The following TEAD4 variants were observed in gnomAD, a reference collection of about 807,000 sequenced individuals.
The protein encoded by TEAD4 is transcriptional enhancer factor TEF-3.
In TEAD4, 36 loss-of-function variants were observed where a neutral mutation model predicts 52.4. The observed-to-expected ratio is 0.69, with a 90% CI of 0.53 to 0.91. The LOEUF is 0.91. Ranked by LOEUF, TEAD4 falls within the 40% of genes least tolerant of loss-of-function variation. TEAD4 has a pLI of 0.00. For missense variants in TEAD4, 508 were observed against 583.9 expected, an observed-to-expected ratio of 0.87 and a Z score of 1.34; for synonymous variants, 220 against 231.0, an observed-to-expected ratio of 0.95 and a Z score of 0.43.
At chr12:2,974,855 C>G (rs529065598) in intron 2 of TEAD4, among the ~76,000 whole-genome samples, 1 of 152,232 alleles carries the variant, frequency 6.6e-6, no homozygotes, top group South Asian at 2.1e-4. Context: ...AACCCACCCC[C>G]GAGGCTGAGG....
intron 2 of TEAD4, among the ~76,000 whole-genome samples, chr12:2,993,237 C>A (rs2098244597): frequency 6.6e-6 from 1 of 152,222 alleles, no homozygotes; most frequent in Admixed American, 6.5e-5. Context: ...AACCGAAACT[C>A]TGTACCTGTC....
At chr12:2,995,088 A>T in intron 3 of TEAD4, 96 bp downstream of exon 3, 2 of 1,462,564 alleles carry the variant, frequency 1.4e-6, no homozygotes, top group East Asian at 2.3e-5. Context: ...GAAGGGGATG[A>T]CCACTTGGGG....
At chr12:2,962,181 G>A (rs1591548230) in intron 2 of TEAD4, among the ~76,000 whole-genome samples, 1 of 149,064 alleles carries the variant, frequency 6.7e-6, no homozygotes, top group South Asian at 2.1e-4. Flanking sequence ...CAGTAGTACA[G>A]TGGCATGATC....
At chr12:3,006,824 G>A (rs1315078990) in intron 3 of TEAD4, among the ~76,000 whole-genome samples, 2 of 152,012 alleles carry the variant, frequency 1.3e-5, no homozygotes, top group African/African-American at 2.4e-5. Context: ...TCAGGAGTTC[G>A]AGACCAGCCT....
intron 5 of TEAD4, among the ~76,000 whole-genome samples, chr12:3,016,384 C>G (rs535860808): frequency 2.6e-5 from 4 of 152,250 alleles, no homozygotes; most frequent in African/African-American, 9.6e-5. Context: ...CATTTAGCCC[C>G]GATAAAGCTG....
chr12:3,028,493 C>G (rs754479844), intron 10 of TEAD4, among the ~76,000 whole-genome samples: 1 of 152,196 alleles, frequency 6.6e-6, no homozygotes, highest in African/African-American at 2.4e-5. Context: ...TTGTAGCCAT[C>G]CTAGCAAATG....
intron 3 of TEAD4, among the ~76,000 whole-genome samples, chr12:3,005,245 A>G (rs532340060): frequency 2.4e-4 from 37 of 152,286 alleles, no homozygotes; most frequent in Non-Finnish European, 4.0e-4. Context: ...TGGTCAAAGA[A>G]TATAGTTTCA....
Position 3,011,051 on chromosome 12 carries a change from A to T in TEAD4, c.274A>T (p.Thr92Ser). 6.2e-7 allele frequency: 1 copy of T among 1,613,862 alleles called. No individual in the cohort carries two copies. The highest frequency in any genetic ancestry group is 8.5e-7 in the Non-Finnish European group (1 of 1,179,946). The change falls in exon 4 of 13, where the codon ACC (threonine) becomes TCC (serine). Residue 92 changes from threonine (T) to serine (S), a missense_variant. Thr to Ser is a moderately conservative substitution (Grantham distance 58). Transcript: ENST00000359864. Reference sequence around the variant, plus strand: ...CTACATCAAGCTCCGGACAGGGAAGACCCGCACCAGGAAGCAGGTGGGCCT... The same window carrying T: ...CTACATCAAGCTCCGGACAGGGAAGTCCCGCACCAGGAAGCAGGTGGGCCT...
At chr12:2,977,757 C>A (rs529721321) in intron 2 of TEAD4, among the ~76,000 whole-genome samples, 4 of 152,148 alleles carry the variant, frequency 2.6e-5, no homozygotes. Flanking sequence ...TGGCCTTTCC[C>A]GAGAACTTGT....
intron 4 of TEAD4, among the ~76,000 whole-genome samples, chr12:3,011,312 C>A (rs951315706): frequency 5.9e-5 from 9 of 152,126 alleles, no homozygotes; most frequent in African/African-American, 2.2e-4. Context: ...CTCACCGCAA[C>A]CTTCTCCTCC....
At chr12:3,024,184 C>T (rs987978778) in intron 10 of TEAD4, among the ~76,000 whole-genome samples, 3 of 151,986 alleles carry the variant, frequency 2.0e-5, no homozygotes, top group African/African-American at 7.2e-5. Flanking sequence ...ACGCCATTCT[C>T]CTGCCTCAGC....
chr12:3,034,291 G>A (rs566113848), intron 10 of TEAD4, among the ~76,000 whole-genome samples: 1 of 152,252 alleles, frequency 6.6e-6, no homozygotes, highest in South Asian at 2.1e-4. Context: ...GCAGGACAGG[G>A]TAGGTTCCTG....
intron 3 of TEAD4, among the ~76,000 whole-genome samples, chr12:3,003,942 C>A (rs1255335542): frequency 1.3e-5 from 2 of 152,240 alleles, no homozygotes; most frequent in African/African-American, 2.4e-5. Context: ...GGGTGCTTTA[C>A]AAGTTTCTCA....
In TEAD4 at chr12:3,012,248, TGG is replaced by T; in HGVS notation, c.354+20_354+21del. On this transcript the variant is annotated intron_variant, in intron 5 of 12. Transcript: ENST00000359864. The stretch of plus-strand genomic sequence containing the variant: ...CAAGCTAAAGGTAAGGAAACTGCAG[TGG>T]GGGTGCTGGAGTGGCCAGGAGTGGT... The T allele has an allele frequency of 6.2e-7, 1 of 1,613,274 alleles. No individual in the cohort carries two copies. The highest frequency in any genetic ancestry group is 1.7e-4 in the Middle Eastern group (1 of 6,058).
intron 2 of TEAD4, among the ~76,000 whole-genome samples, chr12:2,965,654 C>A (rs2098219611): frequency 6.6e-6 from 1 of 152,064 alleles, no homozygotes; most frequent in African/African-American, 2.4e-5. Flanking sequence ...CGGGTTCACT[C>A]CATTCTCCTG....
At chr12:2,989,042 G>A (rs973403085) in intron 2 of TEAD4, among the ~76,000 whole-genome samples, 2 of 152,148 alleles carry the variant, frequency 1.3e-5, no homozygotes, top group Non-Finnish European at 2.9e-5. Flanking sequence ...TAAGGAGAGG[G>A]TTCTAGGAAC....
chr12:3,036,514 C>T (rs564186219), intron 10 of TEAD4, among the ~76,000 whole-genome samples: 9 of 152,248 alleles, frequency 5.9e-5, no homozygotes, highest in African/African-American at 2.2e-4. Context: ...TCCTGGGGTT[C>T]TAGGGATCCC....
intron 10 of TEAD4, among the ~76,000 whole-genome samples, chr12:3,025,217 C>A (rs910723624): frequency 6.6e-6 from 1 of 152,344 alleles, no homozygotes. Flanking sequence ...GCTGGGATTA[C>A]AGGTGTGAGC....
At chr12:3,017,363 C>T (rs1591589323) in intron 5 of TEAD4, 35 bp from the exon 6 acceptor site, 1 of 1,613,468 alleles carries the variant, frequency 6.2e-7, no homozygotes, top group Admixed American at 1.7e-5. Context: ...GACTAGTGAC[C>T]CTGCTGAGGT....
Sources: gnomAD v4.1 joint callset for allele counts (sites outside exome capture counted in the v4.1 genomes callset) on GRCh38, gnomAD v4.1.1 for gene constraint, MANE v1.5 for transcripts, NCBI Gene and HGNC (gene_info 2026-07-23, HGNC 2026-07-21) for gene names.